The following NFASC variants were observed in gnomAD, a reference collection of about 807,000 sequenced individuals.
The protein encoded by NFASC is neurofascin homolog.
In NFASC, 43 loss-of-function variants were observed where a neutral mutation model predicts 147.5. The observed-to-expected ratio is 0.29, with a 90% CI of 0.23 to 0.38. The LOEUF is 0.38. Ranked by LOEUF, NFASC falls within the 10% of genes least tolerant of loss-of-function variation. The pLI, the probability that NFASC is intolerant of heterozygous loss-of-function variation, is 1.00. For missense variants in NFASC, 1,320 were observed against 1,689.0 expected (o/e 0.78, Z 3.83); for synonymous variants, 622 against 665.5 (o/e 0.93, Z 1.01).
intron 8 of NFASC, among the ~76,000 whole-genome samples, chr1:204,965,671 A>G (rs1003530936): frequency 6.6e-6 from 1 of 152,188 alleles, no homozygotes; most frequent in Non-Finnish European, 1.5e-5. Flanking sequence ...GAAGAGTTTC[A>G]CCAGAGCAGC....
chr1:204,966,801 T>C (rs186918829), intron 8 of NFASC, among the ~76,000 whole-genome samples: 8 of 152,344 alleles, frequency 5.3e-5, no homozygotes, highest in Admixed American at 3.9e-4. Context: ...CCGTGTATTG[T>C]ATCATCAGCC....
chr1:204,832,290 G>A (rs1028872699), intron 1 of NFASC, among the ~76,000 whole-genome samples: 8 of 152,304 alleles, frequency 5.3e-5, no homozygotes, highest in African/African-American at 1.9e-4. Flanking sequence ...GTAAAGTGTG[G>A]CTGGATATGC....
rs2095057014 is a variant in NFASC at position 204,968,054 on chromosome 1, T to C, written c.707-195T>C. ...TTTCAGAACCTAGAGCTCCTCTCTC[T>C]CATGTAGGTGGGGCTGAGGAGCCCT... On this transcript the variant is annotated intron_variant, in intron 8 of 29. Transcript: ENST00000339876. This position sits in a 1 kb window ranked among gnomAD's most constrained non-coding sequence, Gnocchi z 5.4. 1 of 552,918 alleles carries C rather than the reference T, an allele frequency of 1.8e-6. No homozygotes were observed. The highest frequency in any genetic ancestry group is 1.9e-5 in the African/African-American group (1 of 52,668). 34.3% of individuals were successfully genotyped at this position (552,918 alleles called of 1,614,324 possible).
At chr1:204,915,640 A>T (rs1345451896) in intron 1 of NFASC, among the ~76,000 whole-genome samples, 2 of 152,174 alleles carry the variant, frequency 1.3e-5, no homozygotes, top group African/African-American at 4.8e-5. Flanking sequence ...AAGTAAAATA[A>T]TTTTTTAAAT....
chr1:204,951,315 A>ATTTTTTTTTT (rs33974199), intron 4 of NFASC, among the ~76,000 whole-genome samples: 1 of 118,814 alleles, frequency 8.4e-6, no homozygotes. Context: ...TGCCCGGCTA[A>ATTTTTTTTTT]TTTTTTTTTT....
At chr1:204,974,911 A>G in intron 14 of NFASC, 88 bp downstream of exon 14, 1 of 1,374,330 alleles carries the variant, frequency 7.3e-7, no homozygotes, top group South Asian at 1.2e-5. Flanking sequence ...CACATTGAAA[A>G]TGCACCACAC....
rs2095612675 is a variant in NFASC at position 204,986,239 on chromosome 1, G to A, written c.2471-1179G>A. 3 of 687,282 alleles carry A rather than the reference G, an allele frequency of 4.4e-6. No individual in the cohort carries two copies. The highest frequency in any genetic ancestry group is 7.7e-4 in the Middle Eastern group (2 of 2,588). The allele number at this position is 687,282 out of a possible 1,614,324, so 42.6% of individuals were successfully genotyped here. A position where few individuals can be genotyped will look rare whatever the true frequency, so the allele number is the denominator to read the frequency against. On this transcript the variant is annotated intron_variant, in intron 21 of 29. Coordinates refer to ENST00000339876, the MANE Select transcript of NFASC (RefSeq NM_001005388.3). This position sits in a 1 kb window ranked among gnomAD's most constrained non-coding sequence, Gnocchi z 4.2. ...GGTGACTTCTGCGAGGCCTCCAGGAGCGGATGACCTGCAAGCCGAGCCACT... is the reference window on the plus strand; with the variant it reads ...GGTGACTTCTGCGAGGCCTCCAGGAACGGATGACCTGCAAGCCGAGCCACT...
rs1172277215 is a variant in NFASC, at chr1:204,865,513, C to T, written c.-200+36731C>T. 3.3e-5 allele frequency among the ~76,000 whole-genome samples: 5 copies of T among 152,294 alleles called. No individual in the cohort carries two copies. In the South Asian group the frequency reaches 1.0e-3, roughly 32 times the overall value. On this transcript the variant is annotated intron_variant, in intron 1 of 29. Coordinates refer to ENST00000339876, the MANE Select transcript of NFASC (RefSeq NM_001005388.3). Reference sequence around the variant, plus strand: ...TGATGTGGAAATACAGTTTTCCTAGCACCATTTGTTGAAGAAACTGTTCTT... The same window carrying T: ...TGATGTGGAAATACAGTTTTCCTAGTACCATTTGTTGAAGAAACTGTTCTT...
At chr1:204,901,984 C>G (rs1214255667) in intron 1 of NFASC, among the ~76,000 whole-genome samples, 4 of 151,972 alleles carry the variant, frequency 2.6e-5, no homozygotes, top group African/African-American at 7.3e-5. Context: ...AAGGCACTTA[C>G]CCAAGAGTAA....
At chr1:204,951,453 C>T (rs1487651388) in intron 4 of NFASC, among the ~76,000 whole-genome samples, 1 of 150,552 alleles carries the variant, frequency 6.6e-6, no homozygotes, top group African/African-American at 2.4e-5. Flanking sequence ...TGTGAGCCAC[C>T]ATGCCTGGCC....
chr1:205,004,331 A>G (rs953643259), intron 27 of NFASC, among the ~76,000 whole-genome samples: 1 of 152,256 alleles, frequency 6.6e-6, no homozygotes, highest in Non-Finnish European at 1.5e-5. Flanking sequence ...TATTAAGCAC[A>G]CGACAGAATA....
chr1:204,902,045 A>G (rs2084740408), intron 1 of NFASC, among the ~76,000 whole-genome samples: 1 of 152,202 alleles, frequency 6.6e-6, no homozygotes, highest in African/African-American at 2.4e-5. Flanking sequence ...TGTAATCCCA[A>G]CACTTTAGAA....
At chr1:204,984,183 A>C in intron 21 of NFASC, 1,011 of 1,366,748 alleles carry the variant, frequency 7.4e-4, no homozygotes, top group Non-Finnish European at 9.6e-4. Flanking sequence ...TACCCAGCTC[A>C]CTAACCAGGG....
At position 204,997,399 on chromosome 1, in the gene NFASC, C is replaced by T. The variant is rs751833388; in HGVS notation, c.3012C>T (p.His1004=). 151 of 1,551,976 alleles carry T rather than the reference C, an allele frequency of 9.7e-5. 1 individual carries two copies. Among genetic ancestry groups the T allele is most frequent in the South Asian group, 1.7e-4 (14 of 84,120 alleles). The change falls in exon 25 of 30, where the codon CAC becomes CAT. Residue 1004 remains histidine (H), a synonymous_variant. Transcript: ENST00000339876. ...PPTTTSGTKI[H]ESAPDEQSIW... ...CCACCACCTCCGGGACTAAGATACA[C>T]GAATCCGGTACTGCGCATCGCCCAT...
chr1:204,991,745 T>G (rs533348871), intron 24 of NFASC, among the ~76,000 whole-genome samples: 23 of 152,296 alleles, frequency 1.5e-4, no homozygotes, highest in African/African-American at 5.3e-4. Flanking sequence ...GGGGCTGCCA[T>G]CTCCTGAAAG....
intron 7 of NFASC, among the ~76,000 whole-genome samples, chr1:204,955,812 A>C (rs1573694546): frequency 6.6e-6 from 1 of 150,736 alleles, no homozygotes; most frequent in African/African-American, 2.4e-5. Flanking sequence ...CTATATCTCC[A>C]CCTACGTACC....
rs2094298579 is a variant in NFASC, at chr1:204,954,088, G to A, written c.216-100G>A. The A allele has an allele frequency of 2.8e-6, 3 of 1,059,844 alleles. No homozygotes were observed. Among genetic ancestry groups the A allele is most frequent in the Non-Finnish European group, 4.3e-6 (3 of 700,128 alleles). 65.7% of individuals were successfully genotyped at this position (1,059,844 alleles called of 1,614,324 possible). On this transcript the variant is annotated intron_variant, in intron 5 of 29. Coordinates refer to ENST00000339876, the MANE Select transcript of NFASC (RefSeq NM_001005388.3). The surrounding 1 kb of genome is among the most constrained non-coding windows in gnomAD (Gnocchi z 5.7). The stretch of plus-strand genomic sequence containing the variant: ...GGTGCCACGATGGGACTGAGAGAGG[G>A]AATTTTGGTACTGAGCCAGGGACTA...
Position 204,954,967 on chromosome 1 carries a change from CTGGTGTTG to C in NFASC, c.535+19_535+26del, listed in dbSNP as rs774674524. ...ATGAGCAGCTGTGAGTCTTGGGGGC[CTGGTGTTG>C]TGTTTATATCTTAACCTTAGGGGGT... On this transcript the variant is annotated intron_variant, in intron 7 of 29. Transcript: ENST00000339876. This position sits in a 1 kb window ranked among gnomAD's most constrained non-coding sequence, Gnocchi z 5.7. The C allele has an allele frequency of 3.1e-6, 5 of 1,608,792 alleles. No homozygotes were observed. In the East Asian group the frequency reaches 1.1e-4, roughly 36 times the overall value.
intron 1 of NFASC, among the ~76,000 whole-genome samples, chr1:204,887,845 G>A (rs75618409): frequency 0.014 from 2,170 of 152,128 alleles, 46 homozygotes; most frequent in African/African-American, 0.049. Context: ...CAATCAGCCC[G>A]CCTTGGCCTC....
Sources: gnomAD v4.1 joint callset for allele counts (sites outside exome capture counted in the v4.1 genomes callset) on GRCh38, gnomAD v4.1.1 for gene constraint, Gnocchi (gnomAD v3.1) non-coding constraint, MANE v1.5 for transcripts, NCBI Gene and HGNC (gene_info 2026-07-23, HGNC 2026-07-21) for gene names.